The following MED23 variants were observed in gnomAD, a reference collection of about 807,000 sequenced individuals.
MED23 encodes mediator of RNA polymerase II transcription subunit 23.
In MED23, 105 loss-of-function variants were observed where a neutral mutation model predicts 163.9. That is an observed-to-expected ratio of 0.64 (90% CI 0.55 to 0.75). The LOEUF is 0.75. Among genes scored for constraint, MED23 ranks in the 30% least tolerant of loss-of-function variants. The probability of loss-of-function intolerance (pLI) is 0.00; values close to 1 mark genes in which losing one functional copy is unlikely to be tolerated. For missense variants in MED23, 1,054 were observed against 1,649.0 expected, an observed-to-expected ratio of 0.64 and a Z score of 6.25; for synonymous variants, 561 against 565.6, an observed-to-expected ratio of 0.99 and a Z score of 0.12.
rs1264987153 is a variant in MED23 at position 131,620,147 on chromosome 6, C to G, written c.598-251G>C. Among the ~76,000 whole-genome samples, 5 of 151,954 alleles carry G rather than the reference C, an allele frequency of 3.3e-5. No individual in the cohort carries two copies. In the South Asian group the frequency reaches 1.0e-3, roughly 32 times the overall value. On this transcript the variant is annotated intron_variant, in intron 7 of 28. Coordinates refer to ENST00000368068, the MANE Select transcript of MED23 (RefSeq NM_004830.4). ...TGATGAAGCTGATCATATTTTATTA[C>G]ATGGCATATAAATTCTCAATGGAAA...
chr6:131,590,040 TTTTAATTAGCTC>T (rs1232466526), intron 27 of MED23, among the ~76,000 whole-genome samples: 1 of 152,212 alleles, frequency 6.6e-6, no homozygotes, highest in African/African-American at 2.4e-5. Context: ...ATTCTCATGA[TTTTAATTAGCTC>T]CTCTGCACTG....
At chr6:131,596,360 G>A in intron 21 of MED23, 158 bp downstream of exon 21, 2 of 937,972 alleles carry the variant, frequency 2.1e-6, no homozygotes, top group Non-Finnish European at 3.3e-6. Flanking sequence ...CAACATTATA[G>A]AAACTCTCAA....
At position 131,619,881 on chromosome 6, in the gene MED23, C is replaced by A; in HGVS notation, c.613G>T (p.Val205Leu). The change falls in exon 8 of 29, where the codon GTA (valine) becomes TTA (leucine). Residue 205 changes from valine (V) to leucine (L), a missense_variant. Val to Leu is a conservative substitution (Grantham distance 32). Around this residue, in one of 11 missense-constraint regions of MED23, gnomAD observed 227 missense variants for 235.5 expected, o/e 0.96. Transcript: ENST00000368068. ...CTGAAGGTATCCACAAAGTCTGATA[C>A]TAGGTTTCCAAGTAACTAAAGAGAG... is the stretch of plus-strand genomic sequence containing the variant. ...KLPHWLLGNL[V>L]SDFVDTFRPT... 2 of 1,610,852 alleles carry A rather than the reference C, an allele frequency of 1.2e-6. No homozygotes were observed. The highest frequency in any genetic ancestry group is 1.3e-5 in the African/African-American group (1 of 74,908).
At chr6:131,626,136 A>AAG (rs1554258177) in intron 3 of MED23, among the ~76,000 whole-genome samples, 3 of 151,464 alleles carry the variant, frequency 2.0e-5, no homozygotes, top group African/African-American at 7.3e-5. Context: ...AAAAAAAAAA[A>AAG]AAAAGAAAAG....
chr6:131,579,939 GCATAAGCAT>G (rs1490185335), intron 30 of MED23, among the ~76,000 whole-genome samples: 2 of 152,064 alleles, frequency 1.3e-5, no homozygotes, highest in Non-Finnish European at 2.9e-5. Flanking sequence ...CATGGGATGT[GCATAAGCAT>G]CATAAGCATC....
chr6:131,605,120 T>C (rs1585512141), intron 14 of MED23, 120 bp downstream of exon 14: 2 of 839,524 alleles, frequency 2.4e-6, no homozygotes, highest in Admixed American at 3.0e-5. Context: ...TAAAGCTAAC[T>C]TTTTTTTCTC....
chr6:131,603,821 C>T (rs1205863479), intron 15 of MED23, among the ~76,000 whole-genome samples: 1 of 152,182 alleles, frequency 6.6e-6, no homozygotes, highest in Non-Finnish European at 1.5e-5. Flanking sequence ...AGTCAGACTT[C>T]GTATGCACTG....
chr6:131,590,522 G>T, intron 26 of MED23, 80 bp from the exon 27 acceptor site: 2 of 909,292 alleles, frequency 2.2e-6, no homozygotes, highest in East Asian at 2.8e-5. Flanking sequence ...TATATACAAA[G>T]TATTACAATA....
chr6:131,582,809 A>C (rs1482778248), downstream of MED23: 2 of 1,037,422 alleles, frequency 1.9e-6, no homozygotes, highest in African/African-American at 1.6e-5. Context: ...AAAATTAAAC[A>C]TCAAGACACA....
In MED23 at chr6:131,598,214, C is replaced by T; in HGVS notation, c.2607+73G>A. ...TTAAATCCTTCAAAGCAATATAGAG[C>T]AGATTGGCATAACATATATTAGTCA... On this transcript the variant is annotated intron_variant, in intron 20 of 28. Coordinates refer to ENST00000368068, the MANE Select transcript of MED23 (RefSeq NM_004830.4). This position sits in a 1 kb window ranked among gnomAD's most constrained non-coding sequence, Gnocchi z 4.7. 2.9e-6 allele frequency: 4 copies of T among 1,369,436 alleles called. No homozygotes were observed. Among genetic ancestry groups the T allele is most frequent in the Non-Finnish European group, 4.2e-6 (4 of 961,066 alleles). The allele number at this position is 1,369,436 out of a possible 1,614,324, so 84.8% of individuals were successfully genotyped here.
At chr6:131,589,786 C>T (rs1027811249) in intron 27 of MED23, among the ~76,000 whole-genome samples, 190 bp from the exon 28 acceptor site, 4 of 152,122 alleles carry the variant, frequency 2.6e-5, no homozygotes, top group Admixed American at 6.6e-5. Context: ...ATCTATAGTG[C>T]TACAAAATGC....
At chr6:131,612,126 T>G (rs1177584154) in intron 10 of MED23, among the ~76,000 whole-genome samples, 1 of 152,074 alleles carries the variant, frequency 6.6e-6, no homozygotes, top group Non-Finnish European at 1.5e-5. Flanking sequence ...CAGGAATATC[T>G]ACAGTACCTA....
chr6:131,583,875 C>T (rs776119677), downstream of MED23: 2 of 1,614,124 alleles, frequency 1.2e-6, no homozygotes, highest in East Asian at 2.2e-5. Context: ...AGGGTAATCA[C>T]AAGCCTATTG....
At chr6:131,620,589 G>A (rs78521813) in intron 7 of MED23, 39 bp downstream of exon 7, 50,254 of 1,495,956 alleles carry the variant, frequency 0.034, 1,014 homozygotes, top group Non-Finnish European at 0.041. Context: ...AAGCCCAGCC[G>A]AAAATTTTTA....
chr6:131,582,708 G>C (rs768303250), downstream of MED23: 9 of 1,613,414 alleles, frequency 5.6e-6, no homozygotes, highest in African/African-American at 1.2e-4. Flanking sequence ...CGTGGACCCT[G>C]GGGAACAGTA....
chr6:131,619,828 A>G lies in MED23; in HGVS notation c.666T>C (p.Cys222=), dbSNP rs903901949. ...FRPTARINSI[C]GRCSLLPVVN... is the part of the protein sequence containing the mutation. ...GCATATTTAAAATTATAATCCTACC[A>G]CAAATGGAGTTTATCCTTGCTGTGG... is the stretch of plus-strand genomic sequence containing the variant. Residue 222 remains cysteine (C), a splice_region_variant and synonymous_variant, in exon 8 of 29, where the codon TGT becomes TGC. Coordinates refer to ENST00000368068, the MANE Select transcript of MED23 (RefSeq NM_004830.4). 5 of 1,603,764 alleles carry G rather than the reference A, an allele frequency of 3.1e-6. No individual in the cohort carries two copies. Among genetic ancestry groups the G allele is most frequent in the East Asian group, 2.2e-5 (1 of 44,790 alleles).
chr6:131,627,914 G>A (rs1461007474), intron 1 of MED23, 97 bp downstream of exon 1: 11 of 1,468,480 alleles, frequency 7.5e-6, no homozygotes, highest in South Asian at 1.1e-5. Flanking sequence ...AAAGGGAGGC[G>A]TGAGAGGAGG....
downstream of MED23, chr6:131,582,558 CT>C: frequency 7.8e-7 from 1 of 1,286,618 alleles, no homozygotes; most frequent in Non-Finnish European, 1.1e-6. Context: ...GTGTCTTTAC[CT>C]TTGAATGTAG....
chr6:131,628,274 C>A (rs1402335420), upstream of MED23: 2 of 569,548 alleles, frequency 3.5e-6, no homozygotes, highest in African/African-American at 3.7e-5. Flanking sequence ...GTTTGCAAAC[C>A]CCGCAGAAAC....
Sources: allele counts gnomAD v4.1 joint callset (sites outside exome capture counted in the v4.1 genomes callset), GRCh38; gene constraint gnomAD v4.1.1; regional missense constraint gnomAD v4.1.1; non-coding constraint Gnocchi (gnomAD v3.1); transcripts MANE v1.5; gene names NCBI Gene and HGNC (gene_info 2026-07-23, HGNC 2026-07-21).